Variants in GYG2 observed in about 807,000 individuals in gnomAD.
The protein encoded by GYG2 is glycogenin-2.
Under a neutral mutation model 29.4 loss-of-function variants are expected in GYG2, and 29 were observed. The observed-to-expected ratio is 0.99, with a 90% CI of 0.74 to 1.35. The LOEUF is 1.35. GYG2 is among the 40% of genes most tolerant of loss of function. The pLI, the probability that GYG2 is intolerant of heterozygous loss-of-function variation, is 0.00. For synonymous variants in GYG2, 167 were observed against 172.3 expected (o/e 0.97, Z 0.24); for missense variants, 370 against 385.7 (o/e 0.96, Z 0.34).
intron 1 of GYG2, 32 bp from the exon 2 acceptor site, chrX:2,830,029 G>C (rs2087227322): frequency 1.9e-5 from 9 of 485,610 alleles, no homozygotes; most frequent in East Asian, 1.1e-4. Flanking sequence ...CTGCAGCCGA[G>C]GGTGTCGAGA....
rs1362431222 is a variant in GYG2 at position 2,856,534 on chromosome X, A to G, written c.524A>G (p.Asn175Ser). ...GGCTTACTGAATAGTTTCTTCAGGAACTGGTCGACCACAGACATCCACAAG... is the reference window on the plus strand; with the variant it reads ...GGCTTACTGAATAGTTTCTTCAGGAGCTGGTCGACCACAGACATCCACAAG... Reference protein sequence around the residue: ...DQGLLNSFFRNWSTTDIHKHL... With the variant: ...DQGLLNSFFRSWSTTDIHKHL... Residue 175 changes from asparagine (N) to serine (S), a missense_variant, in exon 6 of 11, where the codon AAC (asparagine) becomes AGC (serine). Physicochemically the swap from Asn to Ser is conservative, Grantham distance 46. Transcript: ENST00000398806. 8.3e-7 allele frequency: 1 copy of G among 1,204,347 alleles called. No homozygotes were observed. The highest frequency in any genetic ancestry group is 1.1e-6 in the Non-Finnish European group (1 of 890,923).
chrX:2,878,877 CTG>C (rs1180286446), intron 10 of GYG2, among the ~76,000 whole-genome samples: 1 of 112,147 alleles, frequency 8.9e-6, no homozygotes, highest in Non-Finnish European at 1.9e-5. Context: ...GTCACAATCA[CTG>C]TGCTGTTTTG....
chrX:2,857,007 CTATCCATATCTATCTATTT>C (rs1420061428), intron 6 of GYG2, among the ~76,000 whole-genome samples: 1 of 102,617 alleles, frequency 9.7e-6, no homozygotes, highest in Non-Finnish European at 2.0e-5. Flanking sequence ...ATCTATCTAT[CTATCCATATCTATCTATTT>C]AGATCTGGAT....
chrX:2,862,451 G>A (rs752580975), intron 8 of GYG2, among the ~76,000 whole-genome samples: 1 of 111,297 alleles, frequency 9.0e-6, no homozygotes, highest in Non-Finnish European at 1.9e-5. Flanking sequence ...GGGAGCCAGA[G>A]CTCTTTCAGG....
In GYG2 at chrX:2,855,038, G is replaced by A. The variant is rs201722431; in HGVS notation, c.370G>A (p.Ala124Thr). The A allele has an allele frequency of 6.6e-6, 8 of 1,209,981 alleles. No individual in the cohort carries two copies. Among genetic ancestry groups the A allele is most frequent in the Non-Finnish European group, 8.9e-6 (8 of 894,852 alleles). The change falls in exon 5 of 11, where the codon GCG (alanine) becomes ACG (threonine). Residue 124 changes from alanine (A) to threonine (T), a missense_variant. Transcript: ENST00000398806. ...GCTGTTTGACAGGGGAGAGTTTTCT[G>A]CGGCCCCGGACCCCGGATGGCCGGA... ...DELFDRGEFS[A>T]APDPGWPDCF...
intron 8 of GYG2, among the ~76,000 whole-genome samples, chrX:2,862,541 CT>C (rs2088194438): frequency 9.0e-6 from 1 of 111,547 alleles, no homozygotes; most frequent in South Asian, 3.8e-4. Flanking sequence ...AGCCGAACCC[CT>C]GACTTGAACA....
intron 3 of GYG2, among the ~76,000 whole-genome samples, chrX:2,853,241 C>T (rs1369452200): frequency 2.7e-5 from 3 of 111,152 alleles, no homozygotes; most frequent in Non-Finnish European, 5.7e-5. Flanking sequence ...GATAGAGTCT[C>T]GCTCTGTTGC....
intron 2 of GYG2, among the ~76,000 whole-genome samples, chrX:2,842,731 C>T (rs1048004776): frequency 1.3e-5 from 1 of 79,163 alleles, no homozygotes; most frequent in African/African-American, 4.0e-5. Context: ...AAGGTTCCTT[C>T]ATACTCCTCC....
At chrX:2,829,240 G>A (rs1198527063) in intron 1 of GYG2, 1 of 104,864 alleles carries the variant, frequency 9.5e-6, no homozygotes, top group Non-Finnish European at 2.0e-5. Flanking sequence ...GGGGTGCGGG[G>A]CGCGGGAGTA....
rs142030116 is a variant in GYG2 at position 2,833,645 on chromosome X, G to T, written c.7+3450G>T. Among the ~76,000 whole-genome samples, 870 of 111,473 alleles carry T rather than the reference G, an allele frequency of 7.8e-3. 10 individuals are homozygous for T. Among genetic ancestry groups the T allele is most frequent in the African/African-American group, 0.026 (792 of 30,651 alleles). On this transcript the variant is annotated intron_variant, in intron 2 of 10. Transcript: ENST00000398806. Reference sequence around the variant, plus strand: ...TCACGTCCTGATGAAGAGATAAAAAGCCCATGCGCATGGTTATCAATCATT... The same window carrying T: ...TCACGTCCTGATGAAGAGATAAAAATCCCATGCGCATGGTTATCAATCATT...
chrX:2,862,273 C>T (rs955734122), intron 8 of GYG2, among the ~76,000 whole-genome samples: 8 of 111,110 alleles, frequency 7.2e-5, no homozygotes, highest in Middle Eastern at 4.7e-3. Context: ...CCAACCCTGC[C>T]GACAACTTGA....
chrX:2,855,202 C>T, intron 5 of GYG2, 47 bp downstream of exon 5: 1 of 1,094,180 alleles, frequency 9.1e-7, no homozygotes, highest in South Asian at 2.0e-5. Context: ...TGCACACACT[C>T]AACTCTGCAG....
chrX:2,831,213 G>T (rs746531105), intron 2 of GYG2, among the ~76,000 whole-genome samples: 1 of 112,640 alleles, frequency 8.9e-6, no homozygotes, highest in East Asian at 2.8e-4. Context: ...TGCATTTTAT[G>T]TATTTATTTT....
chrX:2,854,184 AC>A (rs1436399428), intron 4 of GYG2, 30 bp downstream of exon 4: 1 of 1,023,598 alleles, frequency 9.8e-7, no homozygotes, highest in Non-Finnish European at 1.3e-6. Context: ...TTGATAGGAA[AC>A]CCTCCAAGAC....
chrX:2,836,070 A>C (rs2087365283), intron 2 of GYG2, among the ~76,000 whole-genome samples: 1 of 111,004 alleles, frequency 9.0e-6, no homozygotes. Context: ...GCCCCATGGT[A>C]GTAGCACACA....
chrX:2,843,949 C>A (rs1160612908), intron 3 of GYG2, among the ~76,000 whole-genome samples: 1 of 112,320 alleles, frequency 8.9e-6, no homozygotes, highest in Non-Finnish European at 1.9e-5. Flanking sequence ...GCCAAGGAGT[C>A]TTTTCTTATA....
chrX:2,874,106 A>C (rs2088538870), intron 8 of GYG2, among the ~76,000 whole-genome samples: 1 of 111,327 alleles, frequency 9.0e-6, no homozygotes, highest in Admixed American at 9.6e-5. Flanking sequence ...TAAAATAAAT[A>C]AATAAATAAA....
intron 8 of GYG2, among the ~76,000 whole-genome samples, chrX:2,875,467 A>C (rs1286273038): frequency 1.8e-5 from 2 of 109,419 alleles, no homozygotes; most frequent in Non-Finnish European, 3.8e-5. Context: ...AGAGGATAGG[A>C]ATATCTTATT....
At chrX:2,838,174 G>T (rs2087419119) in intron 2 of GYG2, among the ~76,000 whole-genome samples, 1 of 111,726 alleles carries the variant, frequency 9.0e-6, no homozygotes, top group African/African-American at 3.3e-5. Context: ...TTAGCTATTT[G>T]GTCTGGGTAT....
Sources: gnomAD v4.1 joint callset for allele counts (sites outside exome capture counted in the v4.1 genomes callset) on GRCh38, gnomAD v4.1.1 for gene constraint, MANE v1.5 for transcripts, NCBI Gene and HGNC (gene_info 2026-07-23, HGNC 2026-07-21) for gene names.